The following NDUFA10 variants were observed in gnomAD, a reference collection of about 807,000 sequenced individuals.
NDUFA10 encodes NADH dehydrogenase [ubiquinone] 1 alpha subcomplex subunit 10, mitochondrial.
Under a neutral mutation model 47.8 loss-of-function variants are expected in NDUFA10, and 40 were observed. The observed-to-expected ratio is 0.84, with a 90% CI of 0.65 to 1.09. The LOEUF is 1.09. Among genes scored for constraint, NDUFA10 ranks in the 50% least tolerant of loss-of-function variants. The pLI, the probability that NDUFA10 is intolerant of heterozygous loss-of-function variation, is 0.00. For synonymous variants in NDUFA10, 183 were observed against 172.2 expected, an observed-to-expected ratio of 1.06 and a Z score of -0.49; for missense variants, 413 against 451.1, an observed-to-expected ratio of 0.92 and a Z score of 0.76.
chr2:239,918,232 G>C (rs150026737), intron 4 of NDUFA10, among the ~76,000 whole-genome samples: 1 of 152,240 alleles, frequency 6.6e-6, no homozygotes, highest in Non-Finnish European at 1.5e-5. Context: ...CATGTTGCCA[G>C]GAAAACCCAC....
intron 9 of NDUFA10, chr2:239,983,599 CACG>C: frequency 6.3e-7 from 1 of 1,592,854 alleles, no homozygotes; most frequent in Non-Finnish European, 8.5e-7. Context: ...ACCCAGCAAG[CACG>C]ACCTCAGCCA....
At chr2:239,961,252 T>C (rs1392032565) in intron 9 of NDUFA10, 66 bp from the exon 10 acceptor site, 6 of 1,611,922 alleles carry the variant, frequency 3.7e-6, no homozygotes, top group Non-Finnish European at 3.4e-6. Context: ...AGCTCATAGT[T>C]CAATGTCTAC....
intron 9 of NDUFA10, among the ~76,000 whole-genome samples, chr2:239,980,259 T>C (rs192492566): frequency 1.5e-3 from 236 of 152,260 alleles, no homozygotes; most frequent in African/African-American, 5.5e-3. Context: ...AGTGCAGAAG[T>C]GGTAGGACAC....
chr2:239,977,767 A>C (rs999157222), intron 9 of NDUFA10, among the ~76,000 whole-genome samples: 3 of 152,226 alleles, frequency 2.0e-5, no homozygotes, highest in Non-Finnish European at 4.4e-5. Context: ...AGTGGATTTT[A>C]ATCAAGGAAT....
At chr2:240,020,582 A>G (rs1459925941) in intron 3 of NDUFA10, among the ~76,000 whole-genome samples, 3 of 151,934 alleles carry the variant, frequency 2.0e-5, no homozygotes, top group Non-Finnish European at 4.4e-5. Flanking sequence ...TTCCTCTCCT[A>G]ACTATACTTT....
intron 1 of NDUFA10, 65 bp downstream of exon 1, chr2:240,025,162 G>T: frequency 1.7e-6 from 1 of 590,864 alleles, no homozygotes; most frequent in Non-Finnish European, 2.8e-6. Context: ...ATGTGGAACT[G>T]CTCCCCACCC....
chr2:239,936,723 CG>C (rs1450259242), intron 4 of NDUFA10, among the ~76,000 whole-genome samples: 1 of 152,144 alleles, frequency 6.6e-6, no homozygotes, highest in Non-Finnish European at 1.5e-5. Flanking sequence ...GAGGCCCAGG[CG>C]GGTGGATCAC....
Position 239,919,847 on chromosome 2 carries a change from A to C in NDUFA10, c.295-24533T>G, listed in dbSNP as rs368460052. Among the ~76,000 whole-genome samples, 82 of 152,340 alleles carry C rather than the reference A, an allele frequency of 5.4e-4. 1 individual carries two copies. The East Asian group carries it at 0.012, about 22-fold the overall frequency. On this transcript the variant is annotated intron_variant, in intron 4 of 5. Coordinates refer to the NDUFA10 transcript ENST00000419408. ...TGCCATTTGGAGAGAATGCGGGGGA[A>C]GACACGGCCCCTACGGAAGGAGGGG...
At chr2:239,894,092 C>T (rs1353650881) in intron 5 of NDUFA10, among the ~76,000 whole-genome samples, 2 of 150,808 alleles carry the variant, frequency 1.3e-5, no homozygotes, top group African/African-American at 4.9e-5. Context: ...TCAGCTCCAT[C>T]CCAGCCTCAT....
intron 4 of NDUFA10, among the ~76,000 whole-genome samples, chr2:239,911,674 T>TGTGTGC (rs1165484603): frequency 4.6e-5 from 7 of 150,836 alleles, no homozygotes; most frequent in African/African-American, 1.5e-4. Context: ...TGAGAGAGTG[T>TGTGTGC]GTGTGCGTGT....
chr2:239,991,603 A>G (rs1696249984), intron 8 of NDUFA10, among the ~76,000 whole-genome samples: 1 of 152,222 alleles, frequency 6.6e-6, no homozygotes, highest in Non-Finnish European at 1.5e-5. Flanking sequence ...TTCCCTCTCC[A>G]GAGGAAACTG....
At chr2:239,962,821 C>T (rs944847760) in intron 9 of NDUFA10, among the ~76,000 whole-genome samples, 14 of 152,074 alleles carry the variant, frequency 9.2e-5, no homozygotes, top group African/African-American at 2.9e-4. Flanking sequence ...AGAGCAAGAG[C>T]ATGAGGCGGG....
chr2:239,893,544 T>G (rs530115442), intron 5 of NDUFA10, among the ~76,000 whole-genome samples: 2 of 152,326 alleles, frequency 1.3e-5, no homozygotes, highest in Non-Finnish European at 2.9e-5. Flanking sequence ...AGGGCTGATC[T>G]CCGCAGCCCT....
chr2:239,939,746 C>T (rs1694327952), intron 4 of NDUFA10, among the ~76,000 whole-genome samples: 1 of 152,234 alleles, frequency 6.6e-6, no homozygotes, highest in African/African-American at 2.4e-5. Context: ...AATCCAGGGG[C>T]TACCAGGCAC....
At chr2:239,926,390 G>T (rs898164772) in intron 4 of NDUFA10, among the ~76,000 whole-genome samples, 1 of 152,134 alleles carries the variant, frequency 6.6e-6, no homozygotes, top group Non-Finnish European at 1.5e-5. Flanking sequence ...TAATGAAGCT[G>T]AAGAAATCCT....
At chr2:239,927,932 G>T (rs1339932091) in intron 4 of NDUFA10, among the ~76,000 whole-genome samples, 1 of 152,232 alleles carries the variant, frequency 6.6e-6, no homozygotes, top group Non-Finnish European at 1.5e-5. Context: ...GGTGGCTGTG[G>T]GGGTGCTGGG....
At chr2:239,913,883 T>C (rs11895212) in intron 4 of NDUFA10, among the ~76,000 whole-genome samples, 28,673 of 152,236 alleles carry the variant, frequency 0.19, 3,184 homozygotes, top group African/African-American at 0.3. Context: ...CAGGAGGACG[T>C]GGCCAAGAGC....
At chr2:239,985,154 G>A (rs1379035788) in intron 9 of NDUFA10, among the ~76,000 whole-genome samples, 1 of 152,076 alleles carries the variant, frequency 6.6e-6, no homozygotes, top group African/African-American at 2.4e-5. Flanking sequence ...GCCACCAAAC[G>A]CCAAGATTAA....
intron 9 of NDUFA10, 32 bp downstream of exon 9, chr2:239,990,042 C>T: frequency 6.6e-7 from 1 of 1,510,806 alleles, no homozygotes; most frequent in Non-Finnish European, 9.2e-7. Flanking sequence ...GACTCATCCA[C>T]TGGCCAGCTT....
Sources: allele counts gnomAD v4.1 joint callset (sites outside exome capture counted in the v4.1 genomes callset), GRCh38; gene constraint gnomAD v4.1.1; transcripts MANE v1.5; gene names NCBI Gene and HGNC (gene_info 2026-07-23, HGNC 2026-07-21).